The following GPM6B variants were observed in gnomAD, a reference collection of about 807,000 sequenced individuals.
GPM6B encodes glycoprotein M6B.
In GPM6B, 4 loss-of-function variants were observed where a neutral mutation model predicts 27.2. The ratio of observed to expected loss-of-function variants is 0.15; its 90% confidence interval spans 0.07 to 0.34. The LOEUF (loss-of-function observed/expected upper bound fraction) is 0.34. GPM6B is among the 10% of genes least tolerant of loss of function. The probability of loss-of-function intolerance (pLI) is 1.00; values close to 1 mark genes in which losing one functional copy is unlikely to be tolerated. For missense variants in GPM6B, 183 were observed against 261.9 expected (o/e 0.70, Z 2.08); for synonymous variants, 124 against 103.1 (o/e 1.20, Z -1.23).
At chrX:13,890,490 G>T (rs1207366489) in intron 1 of GPM6B, among the ~76,000 whole-genome samples, 1 of 111,501 alleles carries the variant, frequency 9.0e-6, no homozygotes, top group Non-Finnish European at 1.9e-5. Context: ...TTGGGATCTG[G>T]ATTGGGACCC....
At chrX:13,895,932 C>T (rs1408464200) in intron 1 of GPM6B, among the ~76,000 whole-genome samples, 1 of 107,446 alleles carries the variant, frequency 9.3e-6, no homozygotes, top group Non-Finnish European at 1.9e-5. Flanking sequence ...CCACTTGAGC[C>T]CAGGAGTTCA....
chrX:13,844,923 T>C (rs2049625512), intron 1 of GPM6B, among the ~76,000 whole-genome samples: 1 of 112,214 alleles, frequency 8.9e-6, no homozygotes, highest in Non-Finnish European at 1.9e-5. Context: ...TTGCCTCTCT[T>C]ACTCTGGTAC....
chrX:13,809,654 T>C (rs2049088290), intron 1 of GPM6B, among the ~76,000 whole-genome samples: 1 of 109,313 alleles, frequency 9.1e-6, no homozygotes, highest in Admixed American at 9.7e-5. Context: ...ATTAAAAAAT[T>C]GGCCAGGTGT....
intron 1 of GPM6B, among the ~76,000 whole-genome samples, chrX:13,874,073 G>T (rs1174269683): frequency 9.0e-6 from 1 of 111,435 alleles, no homozygotes; most frequent in Non-Finnish European, 1.9e-5. Context: ...AATTTACAAC[G>T]GATATATTAA....
intron 2 of GPM6B, among the ~76,000 whole-genome samples, chrX:13,803,269 C>T (rs1472224547): frequency 3.6e-5 from 4 of 111,070 alleles, no homozygotes; most frequent in Non-Finnish European, 7.6e-5. Flanking sequence ...CATGAGTTAA[C>T]AGCAGTGCTG....
chrX:13,780,624 C>CT (rs751454803), intron 4 of GPM6B, among the ~76,000 whole-genome samples: 5 of 111,815 alleles, frequency 4.5e-5, no homozygotes, highest in Non-Finnish European at 9.4e-5. Context: ...TCTTTTGTCT[C>CT]TAAGATTCAC....
chrX:13,776,076 T>G, intron 7 of GPM6B, 162 bp downstream of exon 7: 1 of 481,588 alleles, frequency 2.1e-6, no homozygotes, highest in Non-Finnish European at 3.7e-6. Flanking sequence ...ACTAATACTT[T>G]CTGTAAACTA....
At chrX:13,915,291 AAAAAAAAAAG>A (rs1186125773) in intron 1 of GPM6B, among the ~76,000 whole-genome samples, 31 of 109,560 alleles carry the variant, frequency 2.8e-4, no homozygotes, top group Admixed American at 2.4e-3. Context: ...AAAAAAAAAA[AAAAAAAAAAG>A]GTGTGCCTGT....
intron 1 of GPM6B, among the ~76,000 whole-genome samples, chrX:13,856,153 C>T (rs1332920634): frequency 8.0e-5 from 9 of 112,136 alleles, no homozygotes; most frequent in Non-Finnish European, 1.1e-4. Flanking sequence ...ATTAAATCAT[C>T]TTCTGTCTTT....
intron 2 of GPM6B, among the ~76,000 whole-genome samples, chrX:13,807,041 G>T (rs2049034833): frequency 8.9e-6 from 1 of 112,045 alleles, no homozygotes; most frequent in Non-Finnish European, 1.9e-5. Flanking sequence ...CCAGCACCTA[G>T]CGGTTCTGAA....
At chrX:13,848,971 C>T (rs1207208540) in intron 1 of GPM6B, among the ~76,000 whole-genome samples, 1 of 111,773 alleles carries the variant, frequency 8.9e-6, no homozygotes, top group Non-Finnish European at 1.9e-5. Context: ...ATATGTAAGC[C>T]CATTTACATA....
chrX:13,844,718 A>G (rs1208467185), intron 1 of GPM6B, among the ~76,000 whole-genome samples: 1 of 111,848 alleles, frequency 8.9e-6, no homozygotes, highest in African/African-American at 3.2e-5. Context: ...CATGGTATGG[A>G]CCACAGCATT....
At chrX:13,916,241 G>T (rs1193258608) in intron 1 of GPM6B, among the ~76,000 whole-genome samples, 2 of 112,143 alleles carry the variant, frequency 1.8e-5, no homozygotes, top group Non-Finnish European at 3.8e-5. Flanking sequence ...CATAAAGGCA[G>T]AGATGGATAA....
At chrX:13,919,801 A>G (rs1321780896) in intron 1 of GPM6B, among the ~76,000 whole-genome samples, 1 of 111,290 alleles carries the variant, frequency 9.0e-6, no homozygotes, top group Non-Finnish European at 1.9e-5. Flanking sequence ...ACAGAAATCA[A>G]TACTTACAGA....
At chrX:13,812,663 T>G (rs2049160113) in intron 1 of GPM6B, among the ~76,000 whole-genome samples, 1 of 111,712 alleles carries the variant, frequency 9.0e-6, no homozygotes, top group Non-Finnish European at 1.9e-5. Context: ...TAAGATCATT[T>G]AGTCTAAATT....
intron 1 of GPM6B, among the ~76,000 whole-genome samples, chrX:13,846,473 G>A (rs2049647111): frequency 1.8e-5 from 2 of 110,944 alleles, no homozygotes; most frequent in Non-Finnish European, 3.8e-5. Flanking sequence ...TCTCTCCCTC[G>A]ACCATCTTTT....
At chrX:13,874,014 C>T (rs2050006669) in intron 1 of GPM6B, among the ~76,000 whole-genome samples, 1 of 111,247 alleles carries the variant, frequency 9.0e-6, no homozygotes, top group Non-Finnish European at 1.9e-5. Flanking sequence ...CACGAGAATA[C>T]TTAATAGTAC....
intron 2 of GPM6B, among the ~76,000 whole-genome samples, chrX:13,798,334 A>T (rs747948119): frequency 9.2e-6 from 1 of 108,549 alleles, no homozygotes; most frequent in Non-Finnish European, 1.9e-5. Flanking sequence ...AGCAAGGGTC[A>T]GGGAGGCCTT....
intron 1 of GPM6B, among the ~76,000 whole-genome samples, chrX:13,876,344 T>C (rs905691509): frequency 3.6e-5 from 4 of 112,290 alleles, no homozygotes; most frequent in East Asian, 2.8e-4. Flanking sequence ...TGATAAATTG[T>C]TGACTGGTTA....
Sources: gnomAD v4.1 joint callset for allele counts (sites outside exome capture counted in the v4.1 genomes callset) on GRCh38, gnomAD v4.1.1 for gene constraint, MANE v1.5 for transcripts, NCBI Gene and HGNC (gene_info 2026-07-23, HGNC 2026-07-21) for gene names.